The following RANBP2 variants were observed in gnomAD, a reference collection of about 807,000 sequenced individuals.
The protein encoded by RANBP2 is RAN binding protein 2.
In RANBP2, 57 loss-of-function variants were observed where a neutral mutation model predicts 303.6. The observed-to-expected ratio is 0.19, with a 90% CI of 0.15 to 0.23. RANBP2 has a LOEUF of 0.23. RANBP2 is among the 10% of genes least tolerant of loss of function. RANBP2 has a pLI of 1.00. For missense variants in RANBP2, 3,138 were observed against 3,780.8 expected (o/e 0.83, Z 4.46); for synonymous variants, 1,167 against 1,301.5 (o/e 0.90, Z 2.23).
the RANBP2 span, among the ~76,000 whole-genome samples, chr2:109,698,422 C>T: frequency 1.5e-4 from 22 of 149,916 alleles, no homozygotes; most frequent in Middle Eastern, 3.5e-3. Context: ...GCTGAGATCG[C>T]GCCACTGCAC....
At chr2:109,410,309 C>G in the RANBP2 span, among the ~76,000 whole-genome samples, 3 of 152,354 alleles carry the variant, frequency 2.0e-5, no homozygotes, top group African/African-American at 7.2e-5. Flanking sequence ...TGCCATTCAC[C>G]TGTGAGCTCT....
At chr2:108,938,170 A>C in the RANBP2 span, among the ~76,000 whole-genome samples, 1 of 152,214 alleles carries the variant, frequency 6.6e-6, no homozygotes, top group Non-Finnish European at 1.5e-5. Flanking sequence ...TTTTGGACAC[A>C]TCTGTTCACA....
At chr2:109,514,690 T>C in the RANBP2 span, among the ~76,000 whole-genome samples, 1 of 152,180 alleles carries the variant, frequency 6.6e-6, no homozygotes, top group Non-Finnish European at 1.5e-5. Flanking sequence ...GGAGTTTTCC[T>C]TCCCCTCATT....
chr2:109,339,634 G>A, the RANBP2 span, among the ~76,000 whole-genome samples: 55 of 152,190 alleles, frequency 3.6e-4, no homozygotes, highest in Non-Finnish European at 6.6e-4. Flanking sequence ...TTTGTTCCCT[G>A]GGAGGGATCA....
At chr2:108,743,650 A>T (rs2556228) in intron 7 of RANBP2, among the ~76,000 whole-genome samples, 1 of 152,246 alleles carries the variant, frequency 6.6e-6, no homozygotes, top group Non-Finnish European at 1.5e-5. Flanking sequence ...CTAGATGACA[A>T]CTACTGTTAG....
At chr2:109,696,541 T>C in the RANBP2 span, among the ~76,000 whole-genome samples, 8 of 152,236 alleles carry the variant, frequency 5.3e-5, no homozygotes, top group Non-Finnish European at 1.2e-4. Context: ...TCCTAAAGTC[T>C]TGACAACCTT....
the RANBP2 span, among the ~76,000 whole-genome samples, chr2:109,091,528 A>G: frequency 2.6e-5 from 4 of 152,130 alleles, no homozygotes; most frequent in Admixed American, 6.5e-5. Context: ...CTCTTTCTCT[A>G]TTGCAATTCC....
chr2:108,880,879 G>A, the RANBP2 span, among the ~76,000 whole-genome samples: 1 of 152,218 alleles, frequency 6.6e-6, no homozygotes, highest in South Asian at 2.1e-4. Context: ...TCTGCAGCCT[G>A]TGAACCAAAA....
the RANBP2 span, among the ~76,000 whole-genome samples, chr2:108,795,869 G>T: frequency 2.0e-5 from 3 of 152,082 alleles, no homozygotes; most frequent in African/African-American, 7.2e-5. Context: ...TTAAGCAAAG[G>T]AATGTCAGAG....
At chr2:109,561,173 G>A in the RANBP2 span, among the ~76,000 whole-genome samples, 1 of 152,120 alleles carries the variant, frequency 6.6e-6, no homozygotes, top group East Asian at 1.9e-4. Flanking sequence ...CATCTGTCCT[G>A]CTGTACTGCA....
chr2:109,170,613 G>T, the RANBP2 span, among the ~76,000 whole-genome samples: 1 of 152,142 alleles, frequency 6.6e-6, no homozygotes, highest in Non-Finnish European at 1.5e-5. Context: ...GCCACCCAAA[G>T]CGCTGGGATT....
At chr2:109,268,915 A>G in the RANBP2 span, among the ~76,000 whole-genome samples, 4 of 152,092 alleles carry the variant, frequency 2.6e-5, no homozygotes, top group African/African-American at 9.7e-5. Context: ...TCAAAATGTA[A>G]CCCCATTATA....
chr2:108,971,920 T>C, the RANBP2 span, among the ~76,000 whole-genome samples: 4 of 152,224 alleles, frequency 2.6e-5, no homozygotes, highest in African/African-American at 9.6e-5. Context: ...TGCTGTGCCG[T>C]GGCTGCTGCT....
the RANBP2 span, among the ~76,000 whole-genome samples, chr2:109,096,783 CT>C: frequency 1.4e-5 from 2 of 146,038 alleles, no homozygotes; most frequent in East Asian, 2.2e-4. Context: ...CTATTTACAG[CT>C]TTTTTTTTGG....
At chr2:109,614,299 G>T in the RANBP2 span, 1 of 598,630 alleles carries the variant, frequency 1.7e-6, no homozygotes, top group Non-Finnish European at 2.4e-6. Flanking sequence ...GCGCGGGGCG[G>T]GGGTGCGGGG....
At chr2:109,335,740 C>T in the RANBP2 span, among the ~76,000 whole-genome samples, 1 of 152,204 alleles carries the variant, frequency 6.6e-6, no homozygotes, top group Non-Finnish European at 1.5e-5. Context: ...CCGCACCCCA[C>T]AAGTAACGGG....
chr2:109,501,582 A>C, the RANBP2 span: 1 of 779,822 alleles, frequency 1.3e-6, no homozygotes, highest in East Asian at 2.4e-5. Flanking sequence ...CTTTGTGCAC[A>C]AGAAGCGTGA....
At chr2:109,107,106 T>G in the RANBP2 span, among the ~76,000 whole-genome samples, 1 of 151,562 alleles carries the variant, frequency 6.6e-6, no homozygotes, top group South Asian at 2.1e-4. Flanking sequence ...CCCGGCTAGT[T>G]TTTGTATTTT....
the RANBP2 span, among the ~76,000 whole-genome samples, chr2:109,693,638 T>C: frequency 6.6e-6 from 1 of 152,238 alleles, no homozygotes; most frequent in Non-Finnish European, 1.5e-5. Context: ...TCTGCCATGA[T>C]TGTGAGGCCT....
Sources: allele counts gnomAD v4.1 joint callset (sites outside exome capture counted in the v4.1 genomes callset), GRCh38; gene constraint gnomAD v4.1.1; transcripts MANE v1.5; gene names NCBI Gene and HGNC (gene_info 2026-07-23, HGNC 2026-07-21).